CCN6: variants seen among roughly 807,000 people sequenced by gnomAD.
CCN6 encodes the protein cellular communication network factor 6, also known as CCN family member 6.
In CCN6, 31 loss-of-function variants were observed where a neutral mutation model predicts 37.4. The observed-to-expected ratio is 0.83, with a 90% CI of 0.62 to 1.12. The LOEUF (loss-of-function observed/expected upper bound fraction) is 1.12. Among genes scored for constraint, CCN6 ranks in the 50% most tolerant of loss-of-function variants. The probability of loss-of-function intolerance (pLI) is 0.00; values close to 1 mark genes in which losing one functional copy is unlikely to be tolerated. For synonymous variants in CCN6, 137 were observed against 142.1 expected (o/e 0.96, Z 0.26); for missense variants, 369 against 413.8 (o/e 0.89, Z 0.94).
chr6:112,061,139 G>A lies in CCN6; in HGVS notation c.197G>A (p.Ser66Asn), dbSNP rs782172825. The stretch of plus-strand genomic sequence containing the variant: ...AAGCCCCGTTGCCCTCCTGGAGTGA[G>A]CCTGGTGAGAGATGGCTGTGGATGC... ...QQKPRCPPGV[S>N]LVRDGCGCCK... The change falls in exon 2 of 5, where the codon AGC (serine) becomes AAC (asparagine). Residue 66 changes from serine (S) to asparagine (N), a missense_variant. Physicochemically the swap from Ser to Asn is conservative, Grantham distance 46. Transcript: ENST00000368666. The A allele has an allele frequency of 2.1e-5, 34 of 1,614,050 alleles. 1 individual carries two copies. Among genetic ancestry groups the A allele is most frequent in the Non-Finnish European group, 2.9e-5 (34 of 1,180,040 alleles).
chr6:112,064,051 A>G (rs1776606135), intron 2 of CCN6, among the ~76,000 whole-genome samples: 1 of 152,218 alleles, frequency 6.6e-6, no homozygotes, highest in Non-Finnish European at 1.5e-5. Flanking sequence ...CCTGGCAAGG[A>G]AAAATACAAG....
intron 2 of CCN6, among the ~76,000 whole-genome samples, chr6:112,063,684 G>A (rs1776594268): frequency 6.6e-6 from 1 of 152,134 alleles, no homozygotes; most frequent in Non-Finnish European, 1.5e-5. Flanking sequence ...TGTTTTCCTT[G>A]AAGTGACAGG....
At chr6:112,054,569 C>T in intron 1 of CCN6, 164 bp downstream of exon 1, 1 of 692,394 alleles carries the variant, frequency 1.4e-6, no homozygotes, top group South Asian at 1.6e-5. Context: ...AAATAAAGTT[C>T]TGTGTTCGTT....
chr6:112,057,452 A>G (rs1776381246), intron 1 of CCN6, among the ~76,000 whole-genome samples: 1 of 152,174 alleles, frequency 6.6e-6, no homozygotes, highest in South Asian at 2.1e-4. Flanking sequence ...AAATGGGGAA[A>G]AGCATCTAGT....
intron 1 of CCN6, among the ~76,000 whole-genome samples, chr6:112,059,526 C>T (rs1334938759): frequency 6.6e-6 from 1 of 152,198 alleles, no homozygotes; most frequent in Non-Finnish European, 1.5e-5. Flanking sequence ...ATGCCTGCCT[C>T]CTTCCCCAGT....
chr6:112,068,312 A>G lies in CCN6; in HGVS notation c.697A>G (p.Asn233Asp). ...CGMGISNRVT[N>D]ENSNCEMRKE... ...GATGGGAATATCTAACAGGGTGACCAATGAAAACAGCAACTGTGAAATGAG... is the reference window on the plus strand; with the variant it reads ...GATGGGAATATCTAACAGGGTGACCGATGAAAACAGCAACTGTGAAATGAG... The change falls in exon 4 of 5, where the codon AAT (asparagine) becomes GAT (aspartate). Residue 233 changes from asparagine (N) to aspartate (D), a missense_variant. By Grantham distance (23) the Asn-to-Asp change is conservative. Transcript: ENST00000368666. The G allele has an allele frequency of 1.2e-6, 2 of 1,613,602 alleles. No homozygotes were observed. The highest frequency in any genetic ancestry group is 1.7e-6 in the Non-Finnish European group (2 of 1,179,694).
upstream of CCN6, among the ~76,000 whole-genome samples, chr6:112,053,299 C>CT (rs67916118): frequency 6.3e-4 from 90 of 142,580 alleles, no homozygotes; most frequent in Middle Eastern, 7.1e-3. Context: ...TATTTTTAAT[C>CT]TTTTTTTTTT....
At chr6:112,063,321 A>G (rs1776581401) in intron 2 of CCN6, among the ~76,000 whole-genome samples, 1 of 152,242 alleles carries the variant, frequency 6.6e-6, no homozygotes, top group Admixed American at 6.5e-5. Flanking sequence ...TGCCTTAAAA[A>G]TTAGCTGCAT....
chr6:112,069,413 A>C lies in CCN6; in HGVS notation c.858A>C (p.Ser286=). Residue 286 remains serine, a synonymous_variant, in exon 5 of 5, where the codon TCA becomes TCC. Transcript: ENST00000368666. The part of the protein sequence containing the change: ...KAEKFVFSGC[S]STQSYKPTFC... Reference sequence around the variant, plus strand: ...AAAAATTTGTCTTTTCTGGATGCTCAAGTACTCAGAGTTACAAACCCACTT... The same window carrying C: ...AAAAATTTGTCTTTTCTGGATGCTCCAGTACTCAGAGTTACAAACCCACTT... 1 of 1,613,726 alleles carries C rather than the reference A, an allele frequency of 6.2e-7. No individual in the cohort carries two copies. The highest frequency in any genetic ancestry group is 8.5e-7 in the Non-Finnish European group (1 of 1,179,878).
In CCN6 at chr6:112,065,610, G is replaced by GCACA. The variant is rs782694395; in HGVS notation, c.589+621_589+624dup. Among the ~76,000 whole-genome samples the GCACA allele has an allele frequency of 6.6e-3, 937 of 141,164 alleles. 16 individuals carry two copies. Among genetic ancestry groups the GCACA allele is most frequent in the African/African-American group, 0.024 (845 of 35,944 alleles). The allele number at this position is 141,164 out of a possible 152,430, so 92.6% of individuals were successfully genotyped here. On this transcript the variant is annotated intron_variant, in intron 3 of 4. Coordinates refer to ENST00000368666, the MANE Select transcript of CCN6 (RefSeq NM_198239.2). ...CACGCACACACACACAAACACACAC[G>GCACA]CACACACACACGCACGCACACACAC... is the stretch of plus-strand genomic sequence containing the variant.
At chr6:112,058,473 C>T (rs1776414624) in intron 1 of CCN6, among the ~76,000 whole-genome samples, 1 of 152,164 alleles carries the variant, frequency 6.6e-6, no homozygotes, top group South Asian at 2.1e-4. Context: ...GGTATACTCA[C>T]AAACAAACCA....
chr6:112,059,566 C>T (rs1478380940), intron 1 of CCN6, among the ~76,000 whole-genome samples: 1 of 152,124 alleles, frequency 6.6e-6, no homozygotes, highest in Non-Finnish European at 1.5e-5. Flanking sequence ...TTACCTTGGG[C>T]CCACCTGGAT....
At chr6:112,058,438 G>A (rs1297344580) in intron 1 of CCN6, among the ~76,000 whole-genome samples, 4 of 152,182 alleles carry the variant, frequency 2.6e-5, no homozygotes, top group Admixed American at 1.3e-4. Flanking sequence ...TAAGCAAATT[G>A]CCAGGCACTG....
chr6:112,061,323 T>C, intron 2 of CCN6, 35 bp downstream of exon 2: 1 of 1,613,882 alleles, frequency 6.2e-7, no homozygotes, highest in Non-Finnish European at 8.5e-7. Flanking sequence ...TGGAAAAGAT[T>C]GAGTCTAGAC....
intron 3 of CCN6, 87 bp from the exon 4 acceptor site, chr6:112,068,118 T>A: frequency 8.8e-7 from 1 of 1,133,704 alleles, no homozygotes; most frequent in South Asian, 1.7e-5. Context: ...TACTCAGATT[T>A]CTTAAACATT....
chr6:112,054,589 C>T, intron 1 of CCN6, 184 bp downstream of exon 1: 2 of 633,228 alleles, frequency 3.2e-6, no homozygotes, highest in South Asian at 3.6e-5. Flanking sequence ...TCATGAGCTT[C>T]ATGAAAGAAA....
intron 1 of CCN6, among the ~76,000 whole-genome samples, chr6:112,059,475 A>G (rs1215412754): frequency 1.3e-5 from 2 of 152,174 alleles, no homozygotes; most frequent in Non-Finnish European, 2.9e-5. Context: ...CAGCAACGGC[A>G]TCGCTCCTAC....
intron 3 of CCN6, among the ~76,000 whole-genome samples, chr6:112,067,376 A>G (rs1451024645): frequency 4.6e-5 from 7 of 151,508 alleles, no homozygotes; most frequent in African/African-American, 1.7e-4. Context: ...ATTCATTTAT[A>G]AGAAGAAGCT....
intron 3 of CCN6, 149 bp downstream of exon 3, chr6:112,065,146 C>T: frequency 7.9e-7 from 1 of 1,268,034 alleles, no homozygotes; most frequent in Non-Finnish European, 1.1e-6. Flanking sequence ...TAATCTTTGC[C>T]TCAGACAGGG....
Sources: allele counts gnomAD v4.1 joint callset (sites outside exome capture counted in the v4.1 genomes callset), GRCh38; gene constraint gnomAD v4.1.1; transcripts MANE v1.5; gene names NCBI Gene and HGNC (gene_info 2026-07-23, HGNC 2026-07-21).